The following HR variants were observed in gnomAD, a reference collection of about 807,000 sequenced individuals.
The protein encoded by HR is lysine-specific demethylase hairless.
Under a neutral mutation model 128.6 loss-of-function variants are expected in HR, and 83 were observed. That is an observed-to-expected ratio of 0.65 (90% CI 0.54 to 0.77). HR has a LOEUF of 0.77. Ranked by LOEUF, HR falls within the 30% of genes least tolerant of loss-of-function variation. The pLI is 0.00. For missense variants in HR, 1,490 were observed against 1,574.6 expected (o/e 0.95, Z 0.91); for synonymous variants, 681 against 658.2 (o/e 1.03, Z -0.53).
rs372148003 is a variant in HR at position 22,115,160 on chromosome 8, G to T, written c.*540C>A. Reference sequence around the variant, plus strand: ...TGACATCGCCCATGCCGCTCCCTCCGCCAAGCCTGAGCAGCTCCTGATGCC... The same window carrying T: ...TGACATCGCCCATGCCGCTCCCTCCTCCAAGCCTGAGCAGCTCCTGATGCC... On this transcript the variant is annotated 3_prime_UTR_variant, in exon 19 of 19. Coordinates refer to ENST00000381418, the MANE Select transcript of HR (RefSeq NM_005144.5). 1 of 177,668 alleles carries T rather than the reference G, an allele frequency of 5.6e-6. No homozygotes were observed. The highest frequency in any genetic ancestry group is 1.2e-5 in the Non-Finnish European group (1 of 83,968). The allele number at this position is 177,668 out of a possible 1,614,324, so 11.0% of individuals were successfully genotyped here.
In HR at chr8:22,127,032, C is replaced by T; in HGVS notation, c.1405+5G>A. The T allele has an allele frequency of 6.2e-7, 1 of 1,611,468 alleles. No homozygotes were observed. Among genetic ancestry groups the T allele is most frequent in the Non-Finnish European group, 8.5e-7 (1 of 1,179,462 alleles). On this transcript the variant is annotated splice_donor_5th_base_variant and intron_variant, in intron 3 of 18. Coordinates refer to ENST00000381418, the MANE Select transcript of HR (RefSeq NM_005144.5). ...AGGGCCTGCAGCCCCTCCTGGCCCC[C>T]TTACCTTTCTGCTCATCATGCTGTC...
In HR at chr8:22,125,694, G is replaced by C; in HGVS notation, c.1444C>G (p.Leu482Val). 6.2e-7 allele frequency: 1 copy of C among 1,613,994 alleles called. No homozygotes were observed. The highest frequency in any genetic ancestry group is 8.5e-7 in the Non-Finnish European group (1 of 1,180,008). ...AGAGCCAGGCATGGTATGTCCTGAA[G>C]TCCCGGGTCCTGGAGACTGGCCTGG... ...DGQASLQDPG[L>V]QDIPCLALPA... The change falls in exon 4 of 19, where the codon CTT (leucine) becomes GTT (valine). Residue 482 changes from leucine to valine, a missense_variant. By Grantham distance (32) the Leu-to-Val change is conservative. This residue lies in a region of HR where 1,060 missense variants were observed against 1,060.9 expected (regional missense o/e 1.00). Transcript: ENST00000381418.
Position 22,124,034 on chromosome 8 carries a change from C to T in HR, c.1751-221G>A, listed in dbSNP as rs201257043. On this transcript the variant is annotated intron_variant, in intron 5 of 18. Transcript: ENST00000381418. ...GTAGAAACTATCCTCTCCAGCAAAG[C>T]CTTCCAGGGACATTGGAGGCCTCAG... 4.6e-5 allele frequency among the ~76,000 whole-genome samples: 7 copies of T among 152,296 alleles called. No individual in the cohort carries two copies. The East Asian group carries it at 1.4e-3, about 29-fold the overall frequency.
In HR at chr8:22,127,771, G is replaced by A. The variant is rs774318165; in HGVS notation, c.671C>T (p.Ala224Val). ...GTTTAAGCCAAACAACCCAGGTTCC[G>A]CAGCTGCCAAGGGCTCCTTTGCCAA... Reference protein sequence around the residue: ...PRLAKEPLAAAEPGLFGLNSG... With the variant: ...PRLAKEPLAAVEPGLFGLNSG... The change falls in exon 3 of 19, where the codon GCG (alanine) becomes GTG (valine). Residue 224 changes from alanine (A) to valine (V), a missense_variant. Around this residue, in one of 3 missense-constraint regions of HR, gnomAD observed 1,060 missense variants for 1,060.9 expected, o/e 1.00. Coordinates refer to ENST00000381418, the MANE Select transcript of HR (RefSeq NM_005144.5). The A allele has an allele frequency of 1.6e-5, 26 of 1,600,288 alleles. No homozygotes were observed. Among genetic ancestry groups the A allele is most frequent in the African/African-American group, 4.0e-5 (3 of 74,906 alleles).
At chr8:22,130,035 A>G (rs1237345137) in intron 1 of HR, among the ~76,000 whole-genome samples, 1 of 152,170 alleles carries the variant, frequency 6.6e-6, no homozygotes, top group Non-Finnish European at 1.5e-5. Context: ...CCGCCGCTGG[A>G]AACTTCAGCC....
At position 22,125,745 on chromosome 8, in the gene HR, T is replaced by C; in HGVS notation, c.1406-13A>G. 1 of 1,613,306 alleles carries C rather than the reference T, an allele frequency of 6.2e-7. No homozygotes were observed. Among genetic ancestry groups the C allele is most frequent in the South Asian group, 1.1e-5 (1 of 90,982 alleles). On this transcript the variant is annotated splice_polypyrimidine_tract_variant and intron_variant, in intron 3 of 18. Transcript: ENST00000381418. ...CCATCTTGGGGTCCTGAGGGGACAA[T>C]GCAGAGGTCAGGAATCTGGGTTTCT...
Position 22,123,532 on chromosome 8 carries a change from G to C in HR, c.1915+117C>G, listed in dbSNP as rs1586378889. 12 of 979,242 alleles carry C rather than the reference G, an allele frequency of 1.2e-5. No homozygotes were observed. In the East Asian group the frequency reaches 3.1e-4, roughly 26 times the overall value. The allele number at this position is 979,242 out of a possible 1,614,324, so 60.7% of individuals were successfully genotyped here. On this transcript the variant is annotated intron_variant, in intron 6 of 18. Transcript: ENST00000381418. ...CATTGAGCCATGGTGGCTGAGGCTG[G>C]GGCTGTGCAGTGGGTAGGGGGCTTT...
chr8:22,121,844 G>A, intron 8 of HR, 150 bp from the exon 9 acceptor site: 1 of 805,778 alleles, frequency 1.2e-6, no homozygotes, highest in South Asian at 1.5e-5. Flanking sequence ...TATAACATTA[G>A]GTGGAAAAAA....
In HR at chr8:22,120,802, G is replaced by C. The variant is rs1233378579; in HGVS notation, c.2524C>G (p.Pro842Ala). The C allele has an allele frequency of 1.9e-6, 3 of 1,545,324 alleles. No individual in the cohort carries two copies. In the Admixed American group the frequency reaches 5.9e-5, roughly 30 times the overall value. Residue 842 changes from proline (P) to alanine (A), a missense_variant, in exon 11 of 19, where the codon CCA becomes GCA. Coordinates refer to ENST00000381418, the MANE Select transcript of HR (RefSeq NM_005144.5). Reference sequence around the variant, plus strand: ...TCCTGCAGCCACAGCAAAGCCCCTGGGGGAGGCAGCCGGGGCCGCACTGGA... The same window carrying C: ...TCCTGCAGCCACAGCAAAGCCCCTGCGGGAGGCAGCCGGGGCCGCACTGGA... ...LSPVRPRLPP[P>A]GALLWLQEPQ...
At chr8:22,125,846 C>T (rs1826876097) in intron 3 of HR, 114 bp from the exon 4 acceptor site, 18 of 1,251,564 alleles carry the variant, frequency 1.4e-5, no homozygotes, top group Admixed American at 6.2e-5. Context: ...TTCCTCGCCC[C>T]AGGTCTCTGA....
At chr8:22,126,737 A>G (rs1272296177) in intron 3 of HR, among the ~76,000 whole-genome samples, 1 of 152,238 alleles carries the variant, frequency 6.6e-6, no homozygotes, top group Non-Finnish European at 1.5e-5. Flanking sequence ...GAGGTCACAC[A>G]GCTACCAATC....
intron 9 of HR, 27 bp from the exon 10 acceptor site, chr8:22,121,255 C>T (rs1202737999): frequency 6.2e-7 from 1 of 1,611,120 alleles, no homozygotes. Context: ...TGGTGGGGGG[C>T]TTCGCGTTTG....
intron 1 of HR, 35 bp from the exon 2 acceptor site, chr8:22,129,245 G>T: frequency 6.7e-7 from 1 of 1,488,828 alleles, no homozygotes; most frequent in South Asian, 1.4e-5. Flanking sequence ...AGCTTCTGGG[G>T]CACATGTCCC....
In HR at chr8:22,116,286, C is replaced by T. The variant is rs781686563; in HGVS notation, c.3507+14G>A. 2.1e-5 allele frequency: 34 copies of T among 1,611,786 alleles called. No homozygotes were observed. In the Middle Eastern group the frequency reaches 1.3e-3, roughly 62 times the overall value. On this transcript the variant is annotated intron_variant, in intron 18 of 18. Transcript: ENST00000381418. The surrounding 1 kb of genome is among the most constrained non-coding windows in gnomAD (Gnocchi z 4.2). ...GGGTAGCACACCCAGCCTGCTGGCCCACATCCCACTCACCTGGGCATAAAG... is the reference window on the plus strand; with the variant it reads ...GGGTAGCACACCCAGCCTGCTGGCCTACATCCCACTCACCTGGGCATAAAG...
intron 9 of HR, 135 bp downstream of exon 9, chr8:22,121,478 G>T: frequency 1.0e-6 from 1 of 996,002 alleles, no homozygotes; most frequent in South Asian, 1.3e-5. Flanking sequence ...ATGTCCTGAG[G>T]GGAGTAGTGG....
chr8:22,120,936 A>G lies in HR; in HGVS notation c.2390T>C (p.Leu797Pro). ...CACCACCTGTGCGATAATGCTGTCCAGGATGTTGGTGATGCGGTCATCCTG... is the reference window on the plus strand; with the variant it reads ...CACCACCTGTGCGATAATGCTGTCCGGGATGTTGGTGATGCGGTCATCCTG... ...LPSDDRITNILDSIIAQVVER... is the reference protein window; with the variant it reads ...LPSDDRITNIPDSIIAQVVER... The change falls in exon 11 of 19, where the codon CTG (leucine) becomes CCG (proline). Residue 797 changes from leucine (L) to proline (P), a missense_variant. Leu to Pro is a moderately conservative substitution (Grantham distance 98, BLOSUM62 -3). This residue lies in a region of HR where 1,060 missense variants were observed against 1,060.9 expected (regional missense o/e 1.00). Transcript: ENST00000381418. The G allele has an allele frequency of 3.8e-6, 6 of 1,583,456 alleles. No homozygotes were observed. Among genetic ancestry groups the G allele is most frequent in the Non-Finnish European group, 5.2e-6 (6 of 1,164,570 alleles).
rs1417971687 is a variant in HR at position 22,116,510 on chromosome 8, C to T, written c.3379-82G>A. On this transcript the variant is annotated intron_variant, in intron 17 of 18. Coordinates refer to ENST00000381418, the MANE Select transcript of HR (RefSeq NM_005144.5). The surrounding 1 kb of genome is among the most constrained non-coding windows in gnomAD (Gnocchi z 4.2). Reference sequence around the variant, plus strand: ...CCCTGGTCCCTGAGGTTCGCTTCCTCTAATGACAACCACCCCCGACCCCTG... The same window carrying T: ...CCCTGGTCCCTGAGGTTCGCTTCCTTTAATGACAACCACCCCCGACCCCTG... 1 of 1,545,592 alleles carries T rather than the reference C, an allele frequency of 6.5e-7. No individual in the cohort carries two copies. The highest frequency in any genetic ancestry group is 1.4e-5 in the African/African-American group (1 of 72,996).
chr8:22,116,836 C>G lies in HR; in HGVS notation c.3378+39G>C. The G allele has an allele frequency of 2.6e-6, 4 of 1,553,998 alleles. No homozygotes were observed. On this transcript the variant is annotated intron_variant, in intron 17 of 18. Coordinates refer to ENST00000381418, the MANE Select transcript of HR (RefSeq NM_005144.5). The surrounding 1 kb of genome is among the most constrained non-coding windows in gnomAD (Gnocchi z 4.2). ...GCCTTGATTGGGTCGCTTCTGCCATCCTGATCTCCCCGCAGAGCCCCTGCC... is the reference window on the plus strand; with the variant it reads ...GCCTTGATTGGGTCGCTTCTGCCATGCTGATCTCCCCGCAGAGCCCCTGCC...
chr8:22,123,792 T>C lies in HR; in HGVS notation c.1772A>G (p.Glu591Gly), dbSNP rs137912857. The stretch of plus-strand genomic sequence containing the variant: ...GCAGCGTGGAATGCCTGGGCTGTCC[T>C]CTGTCACGGCTGGCCCTTGGCCTGC... ...QREGQGPAVTEDSPGIPRCCS... is the reference protein window; with the variant it reads ...QREGQGPAVTGDSPGIPRCCS... The change falls in exon 6 of 19, where the codon GAG becomes GGG. Residue 591 changes from glutamate to glycine, a missense_variant. Transcript: ENST00000381418. 4.0e-4 allele frequency: 642 copies of C among 1,603,666 alleles called. No individual in the cohort carries two copies. The highest frequency in any genetic ancestry group is 4.3e-4 in the Non-Finnish European group (503 of 1,177,626).
Sources: gnomAD v4.1 joint callset for allele counts (sites outside exome capture counted in the v4.1 genomes callset) on GRCh38, gnomAD v4.1.1 for gene constraint, gnomAD v4.1.1 regional missense constraint, Gnocchi (gnomAD v3.1) non-coding constraint, MANE v1.5 for transcripts, NCBI Gene and HGNC (gene_info 2026-07-23, HGNC 2026-07-21) for gene names.